The following PGK1 variants were observed in gnomAD, a reference collection of about 807,000 sequenced individuals.
PGK1 encodes the protein phosphoglycerate kinase 1.
In PGK1, 3 loss-of-function variants were observed where a neutral mutation model predicts 26.9. The observed-to-expected ratio is 0.11, with a 90% confidence interval of 0.05 to 0.29. The LOEUF is 0.29. PGK1 is among the 10% of genes least tolerant of loss of function. The pLI is 1.00. For missense variants in PGK1, 270 were observed against 314.7 expected (o/e 0.86, Z 1.07); for synonymous variants, 125 against 115.3 (o/e 1.08, Z -0.54).
chrX:78,125,766 G>A, intron 10 of PGK1, 24 bp from the exon 11 acceptor site: 1 of 1,173,014 alleles, frequency 8.5e-7, no homozygotes, highest in South Asian at 1.8e-5. Context: ...TGCTGTCTAT[G>A]TATGTGTGCT....
rs201442984 is a variant in PGK1 at position 78,122,409 on chromosome X, TTGTGTGTGTGTGTG to T, written c.642-396_642-383del. On this transcript the variant is annotated intron_variant, in intron 6 of 10. Coordinates refer to ENST00000373316, the MANE Select transcript of PGK1 (RefSeq NM_000291.4). The stretch of plus-strand genomic sequence containing the variant: ...AATTAGCAATCTTGATGCTCTGAAT[TTGTGTGTGTGTGTG>T]TGTGTGTGTGTGTGTGTGTGTGTGT... Among the ~76,000 whole-genome samples the T allele has an allele frequency of 5.5e-4, 49 of 88,960 alleles. 1 individual carries two copies. Among genetic ancestry groups the T allele is most frequent in the Middle Eastern group, 5.6e-3 (1 of 177 alleles). The allele number at this position is 88,960 out of a possible 115,157, so 77.3% of individuals were successfully genotyped here.
rs971288997 is a variant in PGK1, at chrX:78,104,273, G to C, written c.-68G>C. 2.5e-6 allele frequency: 2 copies of C among 811,292 alleles called. No individual in the cohort carries two copies. The highest frequency in any genetic ancestry group is 2.0e-5 in the African/African-American group (1 of 50,077). 66.9% of individuals were successfully genotyped at this position (811,292 alleles called of 1,213,427 possible). On this transcript the variant is annotated 5_prime_UTR_variant, in exon 1 of 11. Coordinates refer to ENST00000373316, the MANE Select transcript of PGK1 (RefSeq NM_000291.4). ...GTTCCGCATTCTGCAAGCCTCCGGA[G>C]CGCACGTCGGCAGTCGGCTCCCTCG...
Position 78,125,411 on chromosome X carries a change from T to G in PGK1, c.1199T>G (p.Leu400Trp). The change falls in exon 10 of 11, where the codon TTG becomes TGG. Residue 400 changes from leucine (L) to tryptophan (W), a missense_variant. Transcript: ENST00000373316. ...SHVSTGGGASLELLEGKVLPG... is the reference protein window; with the variant it reads ...SHVSTGGGASWELLEGKVLPG... The stretch of plus-strand genomic sequence containing the variant: ...GTGAGCACTGGGGGTGGTGCCAGTT[T>G]GGAGCTCCTGGAAGGTGAGGGTCTT... 1.7e-6 allele frequency: 2 copies of G among 1,192,812 alleles called. No individual in the cohort carries two copies. Among genetic ancestry groups the G allele is most frequent in the Non-Finnish European group, 1.1e-6 (1 of 878,277 alleles).
At chrX:78,121,831 G>C (rs1224380778) in intron 6 of PGK1, among the ~76,000 whole-genome samples, 2 of 112,059 alleles carry the variant, frequency 1.8e-5, no homozygotes, top group African/African-American at 6.5e-5. Context: ...CAAAGACCTA[G>C]AATAGTGCTT....
chrX:78,128,510 A>G lies in PGK1; in HGVS notation c.*2680A>G, dbSNP rs1331014459. On this transcript the variant is annotated 3_prime_UTR_variant, in exon 11 of 11. Coordinates refer to ENST00000373316, the MANE Select transcript of PGK1 (RefSeq NM_000291.4). The stretch of plus-strand genomic sequence containing the variant: ...CAGTGAGCTGAGATCACGCTACTGC[A>G]TTCCTGCTTGGGCGACAGAGTGAGA... 1 of 112,762 alleles carries G rather than the reference A, an allele frequency of 8.9e-6. No homozygotes were observed. Among genetic ancestry groups the G allele is most frequent in the Non-Finnish European group, 1.9e-5 (1 of 53,384 alleles). The allele number at this position is 112,762 out of a possible 1,213,427, so 9.3% of individuals were successfully genotyped here.
intron 1 of PGK1, among the ~76,000 whole-genome samples, chrX:78,107,306 G>A (rs927716354): frequency 2.7e-5 from 3 of 110,202 alleles, no homozygotes; most frequent in African/African-American, 9.9e-5. Context: ...TATTACGTGC[G>A]TAGATTTGTG....
intron 4 of PGK1, 113 bp downstream of exon 4, chrX:78,114,273 C>A: frequency 1.3e-6 from 1 of 762,265 alleles, no homozygotes; most frequent in Non-Finnish European, 2.0e-6. Context: ...TTTATTGAAG[C>A]ATACAATGCC....
At chrX:78,120,522 T>A (rs782216833) in intron 6 of PGK1, among the ~76,000 whole-genome samples, 1 of 109,364 alleles carries the variant, frequency 9.1e-6, no homozygotes, top group African/African-American at 3.3e-5. Flanking sequence ...TGATACAGGG[T>A]CTCACTCTGC....
At chrX:78,113,110 G>T (rs1557247025) in intron 2 of PGK1, among the ~76,000 whole-genome samples, 1 of 111,419 alleles carries the variant, frequency 9.0e-6, no homozygotes, top group Non-Finnish European at 1.9e-5. Flanking sequence ...GACCAGCCTG[G>T]ACAACATGGT....
Position 78,126,646 on chromosome X carries a change from C to T in PGK1, c.*816C>T, listed in dbSNP as rs979700275. On this transcript the variant is annotated 3_prime_UTR_variant, in exon 11 of 11. Transcript: ENST00000373316. ...AGTAATATGCTTATATTGTTCACTT[C>T]TTTTTTTTTTATTTTTTAAAGAAAT... is the stretch of plus-strand genomic sequence containing the variant. 9.4e-6 allele frequency: 1 copy of T among 106,880 alleles called. No homozygotes were observed. Among genetic ancestry groups the T allele is most frequent in the Admixed American group, 1.0e-4 (1 of 9,983 alleles). 8.8% of individuals were successfully genotyped at this position (106,880 alleles called of 1,213,427 possible).
At chrX:78,107,285 C>T (rs1403498821) in intron 1 of PGK1, among the ~76,000 whole-genome samples, 7 of 110,883 alleles carry the variant, frequency 6.3e-5, no homozygotes, top group African/African-American at 2.3e-4. Flanking sequence ...GTGTATGGTT[C>T]TATGCCATTT....
intron 2 of PGK1, among the ~76,000 whole-genome samples, chrX:78,110,296 G>A (rs2078293717): frequency 9.2e-6 from 1 of 109,187 alleles, no homozygotes; most frequent in African/African-American, 3.3e-5. Context: ...GGAACAACAG[G>A]TGCACACCAC....
At chrX:78,121,757 G>A (rs1603398371) in intron 6 of PGK1, among the ~76,000 whole-genome samples, 2 of 112,379 alleles carry the variant, frequency 1.8e-5, no homozygotes, top group South Asian at 7.4e-4. Context: ...TTATTTCCAT[G>A]TACTAGAAAA....
intron 1 of PGK1, among the ~76,000 whole-genome samples, chrX:78,107,606 G>A (rs2078278072): frequency 8.9e-6 from 1 of 112,419 alleles, no homozygotes; most frequent in African/African-American, 3.2e-5. Context: ...ATTCCATGGT[G>A]TGGTTGTATT....
At chrX:78,118,005 A>G (rs781979295) in intron 5 of PGK1, 46 bp from the exon 6 acceptor site, 1 of 1,157,936 alleles carries the variant, frequency 8.6e-7, no homozygotes, top group South Asian at 1.8e-5. Context: ...GACTAGGAGG[A>G]ATGATAGGGA....
intron 4 of PGK1, among the ~76,000 whole-genome samples, chrX:78,115,310 A>T (rs1165492329): frequency 2.7e-5 from 3 of 111,071 alleles, no homozygotes; most frequent in African/African-American, 9.8e-5. Flanking sequence ...TCACTATCTA[A>T]TGGCTTTTAA....
chrX:78,124,789 C>T (rs1312806774), intron 8 of PGK1, 85 bp from the exon 9 acceptor site: 3 of 792,323 alleles, frequency 3.8e-6, no homozygotes, highest in Non-Finnish European at 5.8e-6. Flanking sequence ...CTTTGGTGTG[C>T]AGCCCTGAGT....
chrX:78,112,249 T>G (rs1557246945), intron 2 of PGK1, among the ~76,000 whole-genome samples: 1 of 111,959 alleles, frequency 8.9e-6, no homozygotes, highest in Non-Finnish European at 1.9e-5. Context: ...TTATTGTCTC[T>G]CTCCATTAGA....
At chrX:78,105,153 T>C (rs1030074113) in intron 1 of PGK1, among the ~76,000 whole-genome samples, 1 of 112,231 alleles carries the variant, frequency 8.9e-6, no homozygotes, top group Admixed American at 9.4e-5. Context: ...AATTTTAAAA[T>C]TGGGGGAAGT....
Sources: allele counts gnomAD v4.1 joint callset (sites outside exome capture counted in the v4.1 genomes callset), GRCh38; gene constraint gnomAD v4.1.1; transcripts MANE v1.5; gene names NCBI Gene and HGNC (gene_info 2026-07-23, HGNC 2026-07-21).